Variants in SORCS2 observed in about 807,000 individuals in gnomAD.
The protein encoded by SORCS2 is VPS10 domain-containing receptor SorCS2.
A neutral mutation model predicts 141.6 loss-of-function variants in SORCS2; 100 were observed. The observed-to-expected ratio is 0.71, with a 90% CI of 0.60 to 0.83. SORCS2 has a LOEUF of 0.83. Among genes scored for constraint, SORCS2 ranks in the 40% least tolerant of loss-of-function variants. The pLI, the probability that SORCS2 is intolerant of heterozygous loss-of-function variation, is 0.00. For missense variants in SORCS2, 1,646 were observed against 1,560.2 expected (o/e 1.05, Z -0.93); for synonymous variants, 789 against 676.9 (o/e 1.17, Z -2.57).
chr4:7,470,118 C>T (rs772801424), intron 2 of SORCS2, among the ~76,000 whole-genome samples: 3 of 152,136 alleles, frequency 2.0e-5, no homozygotes, highest in African/African-American at 7.2e-5. Flanking sequence ...CAGATTGTTT[C>T]ATTGAACTGT....
intron 4 of SORCS2, among the ~76,000 whole-genome samples, chr4:7,646,139 G>A (rs191687777): frequency 9.1e-4 from 138 of 152,366 alleles, no homozygotes; most frequent in Middle Eastern, 3.4e-3. Flanking sequence ...GGCTGTGAGC[G>A]GCTTAGCCGA....
At position 7,682,831 on chromosome 4, in the gene SORCS2, G is replaced by A; in HGVS notation, c.1430G>A (p.Trp477Ter). 1 of 1,613,294 alleles carries A rather than the reference G, an allele frequency of 6.2e-7. No individual in the cohort carries two copies. The highest frequency in any genetic ancestry group is 8.5e-7 in the Non-Finnish European group (1 of 1,179,602). ...TLITYNKGRD[W>*]DYLRPPSMDM... ...ATAACCTACAACAAGGGCCGCGACT[G>A]GGATTACCTGAGGCCACCCAGCATG... is the stretch of plus-strand genomic sequence containing the variant. The change falls in exon 10 of 27, where the codon TGG becomes TAG. Residue 477 changes from tryptophan (W) to a stop codon, truncating the protein, a stop_gained. Transcript: ENST00000507866. LOFTEE classifies it high-confidence loss of function.
chr4:7,242,495 A>G (rs577305856), intron 1 of SORCS2, among the ~76,000 whole-genome samples: 2 of 152,180 alleles, frequency 1.3e-5, no homozygotes, highest in Admixed American at 6.5e-5. Flanking sequence ...GAGCCACTGC[A>G]CTGGTCTTCT....
rs192911469 is a variant in SORCS2 at position 7,688,559 on chromosome 4, A to G, written c.1489-927A>G. Among the ~76,000 whole-genome samples, 401 of 152,266 alleles carry G rather than the reference A, an allele frequency of 2.6e-3. 1 individual carries two copies. Among genetic ancestry groups the G allele is most frequent in the Middle Eastern group, 0.014 (4 of 294 alleles). On this transcript the variant is annotated intron_variant, in intron 10 of 26. Coordinates refer to ENST00000507866, the MANE Select transcript of SORCS2 (RefSeq NM_020777.3). Reference sequence around the variant, plus strand: ...GAAGCAGAGGTTATTGCCCCATCTCACAGAGAAGAAAGAAAGGCACAGAGA... The same window carrying G: ...GAAGCAGAGGTTATTGCCCCATCTCGCAGAGAAGAAAGAAAGGCACAGAGA...
intron 3 of SORCS2, among the ~76,000 whole-genome samples, chr4:7,532,697 A>G (rs887948785): frequency 2.0e-5 from 3 of 149,732 alleles, no homozygotes; most frequent in Non-Finnish European, 3.0e-5. Context: ...GCAGCAGTCT[A>G]TGGAACGAGG....
intron 3 of SORCS2, among the ~76,000 whole-genome samples, chr4:7,591,224 G>C (rs150318961): frequency 1.2e-3 from 185 of 152,042 alleles, no homozygotes; most frequent in African/African-American, 4.2e-3. Flanking sequence ...CAGCCTCCTC[G>C]CGCTCTCCCC....
chr4:7,499,129 GTA>G (rs1338949744), intron 2 of SORCS2, among the ~76,000 whole-genome samples: 2 of 149,986 alleles, frequency 1.3e-5, no homozygotes, highest in Non-Finnish European at 3.0e-5. Flanking sequence ...GTCTGAGTGT[GTA>G]TGAGTGGGCA....
intron 18 of SORCS2, among the ~76,000 whole-genome samples, chr4:7,719,587 C>T (rs1421284099): frequency 2.0e-5 from 3 of 152,222 alleles, no homozygotes; most frequent in Admixed American, 6.5e-5. Flanking sequence ...GACCCACACT[C>T]CTCGGAGCCA....
chr4:7,679,598 A>G (rs1209742944), intron 9 of SORCS2, among the ~76,000 whole-genome samples: 2 of 152,198 alleles, frequency 1.3e-5, no homozygotes, highest in African/African-American at 4.8e-5. Flanking sequence ...GCCGCACGCC[A>G]GGGAGGGCTG....
intron 2 of SORCS2, among the ~76,000 whole-genome samples, chr4:7,458,460 G>A (rs1175577822): frequency 1.3e-5 from 2 of 152,120 alleles, no homozygotes; most frequent in Admixed American, 6.5e-5. Flanking sequence ...GGGAAACCGT[G>A]GAGAATTCCC....
chr4:7,360,361 A>C (rs1328914997), intron 1 of SORCS2, among the ~76,000 whole-genome samples: 1 of 152,074 alleles, frequency 6.6e-6, no homozygotes, highest in East Asian at 1.9e-4. Context: ...CCTGCCTGAC[A>C]CGAAACACTG....
intron 2 of SORCS2, among the ~76,000 whole-genome samples, chr4:7,501,882 CT>C (rs1275968503): frequency 1.7e-4 from 26 of 152,370 alleles, no homozygotes; most frequent in African/African-American, 5.3e-4. Context: ...ACAGTCACCC[CT>C]GATCTCTCTG....
chr4:7,234,398 GA>G (rs1205460307), intron 1 of SORCS2, among the ~76,000 whole-genome samples: 2 of 152,208 alleles, frequency 1.3e-5, no homozygotes, highest in African/African-American at 4.8e-5. Flanking sequence ...TTACTTTTAG[GA>G]AGGAAGTATT....
chr4:7,297,026 G>A (rs1717118045), intron 1 of SORCS2, among the ~76,000 whole-genome samples: 3 of 152,152 alleles, frequency 2.0e-5, no homozygotes, highest in South Asian at 2.1e-4. Flanking sequence ...GAACACCTGG[G>A]ACAGCCATGC....
At chr4:7,503,093 A>AATAT (rs1732071561) in intron 2 of SORCS2, among the ~76,000 whole-genome samples, 1 of 152,104 alleles carries the variant, frequency 6.6e-6, no homozygotes, top group Non-Finnish European at 1.5e-5. Context: ...GGGGCTGGGG[A>AATAT]ATATATCTGG....
chr4:7,395,259 C>T (rs1724134200), intron 1 of SORCS2, among the ~76,000 whole-genome samples: 1 of 152,218 alleles, frequency 6.6e-6, no homozygotes, highest in South Asian at 2.1e-4. Flanking sequence ...CACCTTAGGA[C>T]CGAGCGCAGG....
chr4:7,602,639 A>T lies in SORCS2; in HGVS notation c.649-35689A>T, dbSNP rs565608716. ...AGGCGCTCCTCACTTCCTTGACGGGATGACTGCCGGGAAGAGGCACTCCTC... is the reference window on the plus strand; with the variant it reads ...AGGCGCTCCTCACTTCCTTGACGGGTTGACTGCCGGGAAGAGGCACTCCTC... On this transcript the variant is annotated intron_variant, in intron 3 of 26. Coordinates refer to ENST00000507866, the MANE Select transcript of SORCS2 (RefSeq NM_020777.3). Among the ~76,000 whole-genome samples, 32 of 132,950 alleles carry T rather than the reference A, an allele frequency of 2.4e-4. No homozygotes were observed. The South Asian group carries it at 8.0e-3, about 33-fold the overall frequency. 87.2% of individuals were successfully genotyped at this position (132,950 alleles called of 152,430 possible).
rs550273205 is a variant in SORCS2 at position 7,701,749 on chromosome 4, G to A, written c.1669-1531G>A. ...CATGTCCTCCCCAGGGCCTTCTGCT[G>A]GCTCCTGGAAAACCCAGCATTCAGA... is the stretch of plus-strand genomic sequence containing the variant. On this transcript the variant is annotated intron_variant, in intron 12 of 26. Transcript: ENST00000507866. 3.9e-5 allele frequency among the ~76,000 whole-genome samples: 6 copies of A among 152,294 alleles called. No individual in the cohort carries two copies. In the East Asian group the frequency reaches 7.7e-4, roughly 20 times the overall value.
At chr4:7,376,227 A>G (rs551377793) in intron 1 of SORCS2, among the ~76,000 whole-genome samples, 2 of 152,220 alleles carry the variant, frequency 1.3e-5, no homozygotes, top group East Asian at 3.9e-4. Context: ...CCTGGTTGTA[A>G]ATATAAAGCA....
Sources: allele counts gnomAD v4.1 joint callset (sites outside exome capture counted in the v4.1 genomes callset), GRCh38; gene constraint gnomAD v4.1.1; transcripts MANE v1.5; gene names NCBI Gene and HGNC (gene_info 2026-07-23, HGNC 2026-07-21).